FOXP1: variants seen among roughly 807,000 people sequenced by gnomAD.
FOXP1 encodes the protein forkhead box P1.
In FOXP1, 15 loss-of-function variants were observed where a neutral mutation model predicts 98.2. That is an observed-to-expected ratio of 0.15 (90% CI 0.10 to 0.24). FOXP1 has a LOEUF of 0.24. Ranked by LOEUF, FOXP1 falls within the 10% of genes least tolerant of loss-of-function variation. The probability of loss-of-function intolerance (pLI) is 1.00; values close to 1 mark genes in which losing one functional copy is unlikely to be tolerated. For synonymous variants in FOXP1, 371 were observed against 314.5 expected (o/e 1.18, Z -1.90); for missense variants, 633 against 848.5 (o/e 0.75, Z 3.15).
chr3:71,184,828 T>G (rs1452313985), intron 6 of FOXP1, among the ~76,000 whole-genome samples: 1 of 151,974 alleles, frequency 6.6e-6, no homozygotes, highest in African/African-American at 2.4e-5. Context: ...AACACACTTT[T>G]CAGGGAAAAA....
At chr3:71,434,705 T>C (rs993614494) in intron 3 of FOXP1, among the ~76,000 whole-genome samples, 3 of 150,984 alleles carry the variant, frequency 2.0e-5, no homozygotes, top group South Asian at 2.1e-4. Flanking sequence ...TAGACTTAAA[T>C]GGTGTAGAGT....
chr3:71,497,175 G>A (rs1048044160), intron 2 of FOXP1, among the ~76,000 whole-genome samples: 9 of 151,260 alleles, frequency 6.0e-5, no homozygotes, highest in African/African-American at 1.7e-4. Flanking sequence ...AAAAAGAAAA[G>A]AAAAAAATGA....
chr3:70,994,811 T>C (rs2041134328), intron 13 of FOXP1, among the ~76,000 whole-genome samples: 2 of 152,218 alleles, frequency 1.3e-5, no homozygotes, highest in Admixed American at 6.5e-5. Context: ...TTAAAGGGCC[T>C]AGAGGCTGAG....
At chr3:71,210,765 G>C (rs987997160) in intron 5 of FOXP1, 3 of 152,210 alleles carry the variant, frequency 2.0e-5, no homozygotes, top group African/African-American at 7.2e-5. Flanking sequence ...GAAAACCTAA[G>C]AGAAAAACAA....
At chr3:71,209,070 C>T (rs990433306) in intron 5 of FOXP1, among the ~76,000 whole-genome samples, 2 of 152,068 alleles carry the variant, frequency 1.3e-5, no homozygotes, top group African/African-American at 2.4e-5. Flanking sequence ...CAGTCAGATC[C>T]GCTTAACTCT....
At chr3:71,167,749 G>A (rs1363133570) in intron 6 of FOXP1, among the ~76,000 whole-genome samples, 1 of 152,062 alleles carries the variant, frequency 6.6e-6, no homozygotes, top group Non-Finnish European at 1.5e-5. Context: ...CCTTCCTCTT[G>A]CATTTTAAAT....
At chr3:71,226,334 T>C (rs750651191) in intron 5 of FOXP1, among the ~76,000 whole-genome samples, 19 of 152,190 alleles carry the variant, frequency 1.2e-4, no homozygotes, top group Non-Finnish European at 2.4e-4. Context: ...AAAGTACAGA[T>C]CCTTGTTCTA....
chr3:70,983,279 G>A (rs1234006447), intron 14 of FOXP1, among the ~76,000 whole-genome samples: 2 of 152,084 alleles, frequency 1.3e-5, no homozygotes, highest in Admixed American at 1.3e-4. Flanking sequence ...CTAGTTGAAA[G>A]GTTGGTGGGG....
At chr3:71,471,889 G>A (rs890323842) in intron 3 of FOXP1, among the ~76,000 whole-genome samples, 2 of 152,072 alleles carry the variant, frequency 1.3e-5, no homozygotes, top group South Asian at 2.1e-4. Flanking sequence ...AGAAAGACCC[G>A]GCAGCATAAC....
intron 6 of FOXP1, among the ~76,000 whole-genome samples, chr3:71,126,113 T>A (rs944783407): frequency 1.3e-5 from 2 of 152,156 alleles, no homozygotes; most frequent in Non-Finnish European, 2.9e-5. Context: ...AATGTATACA[T>A]GAATTGGGAG....
chr3:70,995,289 A>C (rs868671341), intron 13 of FOXP1, among the ~76,000 whole-genome samples: 1 of 152,070 alleles, frequency 6.6e-6, no homozygotes, highest in African/African-American at 2.4e-5. Flanking sequence ...TGGCCATGGC[A>C]TTTCTCAGTG....
chr3:71,092,731 G>A (rs115541178), intron 7 of FOXP1, among the ~76,000 whole-genome samples: 114 of 152,164 alleles, frequency 7.5e-4, no homozygotes, highest in Non-Finnish European at 1.0e-3. Flanking sequence ...GGTCTTGGGA[G>A]TTTTTCTTAT....
intron 3 of FOXP1, among the ~76,000 whole-genome samples, chr3:71,383,630 G>A (rs545244268): frequency 1.3e-5 from 2 of 152,136 alleles, no homozygotes; most frequent in South Asian, 4.2e-4. Context: ...GAGAGTGGAG[G>A]GAGAAAAAGC....
intron 4 of FOXP1, among the ~76,000 whole-genome samples, chr3:71,311,959 C>T (rs182579717): frequency 1.3e-5 from 2 of 152,322 alleles, no homozygotes; most frequent in East Asian, 1.9e-4. Context: ...CCCCAAAGCT[C>T]ACCACCTCTC....
At chr3:71,558,396 A>G (rs1021794326) in intron 2 of FOXP1, among the ~76,000 whole-genome samples, 1 of 152,214 alleles carries the variant, frequency 6.6e-6, no homozygotes, top group African/African-American at 2.4e-5. Flanking sequence ...ATCTACTCAC[A>G]GGAATAAGCA....
At chr3:71,332,332 C>G (rs2076382567) in intron 4 of FOXP1, 1 of 156,310 alleles carries the variant, frequency 6.4e-6, no homozygotes, top group Non-Finnish European at 1.4e-5. Flanking sequence ...ACCACGAACC[C>G]ACCAGAAGGA....
intron 6 of FOXP1, among the ~76,000 whole-genome samples, chr3:71,166,616 T>C (rs2061411693): frequency 2.0e-5 from 3 of 152,162 alleles, no homozygotes; most frequent in Admixed American, 1.3e-4. Flanking sequence ...CCAGCTCTGT[T>C]TCCCTAATCT....
At chr3:71,292,890 C>G (rs1474028437) in intron 5 of FOXP1, among the ~76,000 whole-genome samples, 1 of 152,184 alleles carries the variant, frequency 6.6e-6, no homozygotes, top group Non-Finnish European at 1.5e-5. Flanking sequence ...TTCAAATTCA[C>G]AAAGTCCCAT....
chr3:71,164,045 C>T (rs946941459), intron 6 of FOXP1, among the ~76,000 whole-genome samples: 5 of 152,076 alleles, frequency 3.3e-5, no homozygotes, highest in Non-Finnish European at 5.9e-5. Context: ...AAGCTCAATC[C>T]CATGCCATCA....
Sources: gnomAD v4.1 joint callset for allele counts (sites outside exome capture counted in the v4.1 genomes callset) on GRCh38, gnomAD v4.1.1 for gene constraint, MANE v1.5 for transcripts, NCBI Gene and HGNC (gene_info 2026-07-23, HGNC 2026-07-21) for gene names.